Variants in ZNF37A observed in about 807,000 individuals in gnomAD.
The protein encoded by ZNF37A is zinc finger protein 37a (KOX 21).
ZNF37A carries 10 observed loss-of-function variants against 12.3 expected under a neutral mutation model. The observed-to-expected ratio is 0.82, with a 90% confidence interval of 0.50 to 1.38. The LOEUF (loss-of-function observed/expected upper bound fraction) is 1.38, where lower values mean the gene tolerates loss of function less well. ZNF37A is among the 40% of genes most tolerant of loss of function. The pLI is 0.00. For synonymous variants in ZNF37A, 207 were observed against 223.0 expected (o/e 0.93, Z 0.64); for missense variants, 580 against 651.2 (o/e 0.89, Z 1.19).
At chr10:38,110,375 T>A (rs1202284689) in intron 5 of ZNF37A, among the ~76,000 whole-genome samples, 1 of 152,106 alleles carries the variant, frequency 6.6e-6, no homozygotes, top group Non-Finnish European at 1.5e-5. Flanking sequence ...CCTAAAACCA[T>A]AAAAACCCTA....
downstream of ZNF37A, among the ~76,000 whole-genome samples, chr10:38,128,311 AT>A (rs2069958528): frequency 6.6e-6 from 1 of 152,176 alleles, no homozygotes; most frequent in South Asian, 2.1e-4. Context: ...CCCTGGGGTT[AT>A]GGTGTTAAGC....
At chr10:38,143,917 C>T (rs1243198608) in intron 7 of ZNF37A, 5 of 152,232 alleles carry the variant, frequency 3.3e-5, no homozygotes, top group African/African-American at 1.2e-4. Flanking sequence ...ACTGGCTGCA[C>T]ACTCCAGGGA....
chr10:38,147,696 C>T (rs1027312042), exon 8 of ZNF37A: 1 of 152,160 alleles, frequency 6.6e-6, no homozygotes, highest in African/African-American at 2.4e-5. Flanking sequence ...TGCTTTTGTA[C>T]ATAAGCTAAA....
chr10:38,113,678 C>T (rs1385819843), intron 5 of ZNF37A, among the ~76,000 whole-genome samples: 1 of 152,176 alleles, frequency 6.6e-6, no homozygotes. Context: ...AGTGAATTCC[C>T]TCTTCCACAT....
downstream of ZNF37A, among the ~76,000 whole-genome samples, chr10:38,129,518 T>C (rs1403904155): frequency 2.0e-5 from 3 of 152,056 alleles, no homozygotes; most frequent in Admixed American, 6.6e-5. Flanking sequence ...AGTGAGAACA[T>C]GAGGCATTTA....
In ZNF37A at chr10:38,119,003, A is replaced by C; in HGVS notation, c.*166A>C. 1 of 1,332,244 alleles carries C rather than the reference A, an allele frequency of 7.5e-7. No homozygotes were observed. The highest frequency in any genetic ancestry group is 9.6e-7 in the Non-Finnish European group (1 of 1,045,872). The allele number at this position is 1,332,244 out of a possible 1,614,324, so 82.5% of individuals were successfully genotyped here. A position where few individuals can be genotyped will look rare whatever the true frequency, so the allele number is the denominator to read the frequency against. On this transcript the variant is annotated 3_prime_UTR_variant, in exon 8 of 8. Transcript: ENST00000685332. The stretch of plus-strand genomic sequence containing the variant: ...GGAATGCAGGAAAACATTATTCTGG[A>C]ATTTGGACCATACACTATGTTACAA...
At position 38,095,222 on chromosome 10, in the gene ZNF37A, G is replaced by C. The variant is rs1487564152; in HGVS notation, c.-200G>C. On this transcript the variant is annotated splice_region_variant and 5_prime_UTR_variant, in exon 2 of 8. Coordinates refer to ENST00000685332, the MANE Select transcript of ZNF37A (RefSeq NM_001324250.3). ...TGTCTTGGAGCAAAGCAGCTGTTGT[G>C]GGGTAAGAAGGGAAGGGTGGGGGGC... is the stretch of plus-strand genomic sequence containing the variant. 1 of 152,382 alleles carries C rather than the reference G, an allele frequency of 6.6e-6. No homozygotes were observed. 9.4% of individuals were successfully genotyped at this position (152,382 alleles called of 1,614,324 possible). A position where few individuals can be genotyped will look rare whatever the true frequency, so the allele number is the denominator to read the frequency against.
chr10:38,122,229 C>A lies in ZNF37A; in HGVS notation c.*3392C>A, dbSNP rs1239153231. 1 of 151,338 alleles carries A rather than the reference C, an allele frequency of 6.6e-6. No individual in the cohort carries two copies. Among genetic ancestry groups the A allele is most frequent in the Non-Finnish European group, 1.5e-5 (1 of 67,912 alleles). The allele number at this position is 151,338 out of a possible 1,614,324, so 9.4% of individuals were successfully genotyped here. On this transcript the variant is annotated 3_prime_UTR_variant, in exon 8 of 8. Transcript: ENST00000685332. ...CTCTAGCCTGGAAGACAGAGTGAGA[C>A]CCCATCTCAGGAAAAAAGAAAAAAA...
intron 5 of ZNF37A, among the ~76,000 whole-genome samples, chr10:38,108,206 C>T (rs1367429750): frequency 2.0e-5 from 3 of 152,228 alleles, no homozygotes; most frequent in African/African-American, 7.2e-5. Flanking sequence ...TCACTCAAAA[C>T]TGCACAATTA....
intron 7 of ZNF37A, among the ~76,000 whole-genome samples, chr10:38,134,721 A>G (rs1174548076): frequency 1.3e-5 from 2 of 152,202 alleles, no homozygotes; most frequent in African/African-American, 4.8e-5. Flanking sequence ...GGTGCCTCCC[A>G]GTTAGGCCAC....
At chr10:38,096,058 C>T (rs1235155254) in intron 4 of ZNF37A, among the ~76,000 whole-genome samples, 1 of 152,046 alleles carries the variant, frequency 6.6e-6, no homozygotes, top group African/African-American at 2.4e-5. Context: ...TGGTGGTGCG[C>T]ACCTGTAGTC....
chr10:38,118,895 G>A lies in ZNF37A; in HGVS notation c.*58G>A, dbSNP rs1166282270. On this transcript the variant is annotated 3_prime_UTR_variant, in exon 8 of 8. Coordinates refer to ENST00000685332, the MANE Select transcript of ZNF37A (RefSeq NM_001324250.3). ...GGTGAGAGAAATCTGTTAATATAAT[G>A]ATAATGAGAACACCTTTGCCCTGAA... The A allele has an allele frequency of 2.0e-6, 3 of 1,507,748 alleles. No homozygotes were observed. Among genetic ancestry groups the A allele is most frequent in the Non-Finnish European group, 2.6e-6 (3 of 1,132,702 alleles). The allele number at this position is 1,507,748 out of a possible 1,614,324, so 93.4% of individuals were successfully genotyped here. A position where few individuals can be genotyped will look rare whatever the true frequency, so the allele number is the denominator to read the frequency against.
At chr10:38,104,171 A>G (rs1256593567) in intron 5 of ZNF37A, among the ~76,000 whole-genome samples, 3 of 151,986 alleles carry the variant, frequency 2.0e-5, no homozygotes, top group African/African-American at 4.8e-5. Context: ...TGCTTTTCTC[A>G]TCTGGCTACT....
At chr10:38,136,456 A>G (rs1306883819) in intron 7 of ZNF37A, among the ~76,000 whole-genome samples, 2 of 152,178 alleles carry the variant, frequency 1.3e-5, no homozygotes, top group Admixed American at 1.3e-4. Flanking sequence ...ACCCAGCCTC[A>G]AAGCATTTTA....
At chr10:38,115,653 G>A (rs1248004118) in intron 7 of ZNF37A, 1 of 157,232 alleles carries the variant, frequency 6.4e-6, no homozygotes, top group Non-Finnish European at 1.4e-5. Context: ...TCCCAGTAAA[G>A]AGCATCCCTC....
At position 38,119,406 on chromosome 10, in the gene ZNF37A, T is replaced by C. The variant is rs1230079936; in HGVS notation, c.*569T>C. The C allele has an allele frequency of 6.1e-6, 6 of 989,010 alleles. No individual in the cohort carries two copies. The highest frequency in any genetic ancestry group is 6.1e-5 in the Admixed American group (1 of 16,370). 61.3% of individuals were successfully genotyped at this position (989,010 alleles called of 1,614,324 possible). A position where few individuals can be genotyped will look rare whatever the true frequency, so the allele number is the denominator to read the frequency against. On this transcript the variant is annotated 3_prime_UTR_variant, in exon 8 of 8. Coordinates refer to ENST00000685332, the MANE Select transcript of ZNF37A (RefSeq NM_001324250.3). The stretch of plus-strand genomic sequence containing the variant: ...TATAGGAAAGCATTTACTATGAGGT[T>C]ATATTTTATGGAGTATATGTAATAA...
At chr10:38,102,429 A>T (rs985583884) in intron 5 of ZNF37A, among the ~76,000 whole-genome samples, 1 of 152,176 alleles carries the variant, frequency 6.6e-6, no homozygotes. Context: ...CCTTAATATT[A>T]TATAAAAACT....
intron 5 of ZNF37A, among the ~76,000 whole-genome samples, chr10:38,096,993 C>G (rs755397646): frequency 5.9e-5 from 9 of 152,150 alleles, no homozygotes; most frequent in Non-Finnish European, 1.2e-4. Context: ...TAATGGCCCA[C>G]AAGCCTAAAA....
chr10:38,097,299 G>A (rs1307275867), intron 5 of ZNF37A, among the ~76,000 whole-genome samples: 2 of 152,124 alleles, frequency 1.3e-5, no homozygotes, highest in East Asian at 3.9e-4. Context: ...ATTCAAATAG[G>A]CCGGGCTAGG....
Sources: gnomAD v4.1 joint callset for allele counts (sites outside exome capture counted in the v4.1 genomes callset) on GRCh38, gnomAD v4.1.1 for gene constraint, MANE v1.5 for transcripts, NCBI Gene and HGNC (gene_info 2026-07-23, HGNC 2026-07-21) for gene names.